DLGAP1: variants seen among roughly 807,000 people sequenced by gnomAD.
DLGAP1 encodes DLG associated protein 1.
A neutral mutation model predicts 90.8 loss-of-function variants in DLGAP1; 11 were observed. The observed-to-expected ratio is 0.12, with a 90% CI of 0.08 to 0.20. The LOEUF (loss-of-function observed/expected upper bound fraction) is 0.20. Among genes scored for constraint, DLGAP1 ranks in the 10% least tolerant of loss-of-function variants. The probability of loss-of-function intolerance (pLI) is 1.00; values close to 1 mark genes in which losing one functional copy is unlikely to be tolerated. For missense variants in DLGAP1, 1,050 were observed against 1,333.8 expected (o/e 0.79, Z 3.31); for synonymous variants, 558 against 540.7 (o/e 1.03, Z -0.44).
chr18:3,740,588 A>T (rs1203602551), intron 6 of DLGAP1, among the ~76,000 whole-genome samples: 1 of 152,108 alleles, frequency 6.6e-6, no homozygotes, highest in African/African-American at 2.4e-5. Flanking sequence ...GAATGAGAGC[A>T]GTGTCCCTAT....
intron 10 of DLGAP1, among the ~76,000 whole-genome samples, chr18:3,522,828 C>G (rs1315331222): frequency 6.6e-6 from 1 of 152,076 alleles, no homozygotes; most frequent in East Asian, 1.9e-4. Flanking sequence ...TAGGTGTAAA[C>G]CACTGCACCC....
chr18:3,790,273 C>T (rs58272907), intron 5 of DLGAP1, among the ~76,000 whole-genome samples: 12 of 144,152 alleles, frequency 8.3e-5, no homozygotes, highest in East Asian at 2.0e-4. Context: ...CTTTTTTTTT[C>T]TTTTTTTTTT....
chr18:3,872,067 G>A lies in DLGAP1; in HGVS notation c.957+7045C>T, dbSNP rs549867194. On this transcript the variant is annotated intron_variant, in intron 4 of 12. Coordinates refer to ENST00000315677, the MANE Select transcript of DLGAP1 (RefSeq NM_004746.4). ...GACCCACATATCCAGAAAATTCATT[G>A]TATAAATATATCTTAGAAATGGAAA... Among the ~76,000 whole-genome samples, 5 of 152,030 alleles carry A rather than the reference G, an allele frequency of 3.3e-5. No individual in the cohort carries two copies. The South Asian group carries it at 1.0e-3, about 32-fold the overall frequency.
At chr18:4,363,913 C>T (rs1445820387) in intron 1 of DLGAP1, among the ~76,000 whole-genome samples, 1 of 151,964 alleles carries the variant, frequency 6.6e-6, no homozygotes, top group Non-Finnish European at 1.5e-5. Flanking sequence ...TGGGTATATA[C>T]CCAAAGGACT....
Position 4,442,263 on chromosome 18 carries a change from G to C in DLGAP1, c.-267+12743C>G, listed in dbSNP as rs750621226. ...TCCGCCCACCTCGGCCTCCCAAAGTGCTGGGATTACAGGCGTGAGCCACTT... is the reference window on the plus strand; with the variant it reads ...TCCGCCCACCTCGGCCTCCCAAAGTCCTGGGATTACAGGCGTGAGCCACTT... On this transcript the variant is annotated intron_variant, in intron 1 of 12. Transcript: ENST00000315677. Among the ~76,000 whole-genome samples, 11 of 152,248 alleles carry C rather than the reference G, an allele frequency of 7.2e-5. No individual in the cohort carries two copies. In the South Asian group the frequency reaches 1.2e-3, roughly 17 times the overall value.
intron 3 of DLGAP1, among the ~76,000 whole-genome samples, chr18:3,947,721 C>T (rs2072904947): frequency 6.6e-6 from 1 of 152,182 alleles, no homozygotes; most frequent in Non-Finnish European, 1.5e-5. Flanking sequence ...AAAGAACTTG[C>T]CCTATATCAC....
rs546648995 is a variant in DLGAP1, at chr18:4,255,062, G to A, written c.-266-103775C>T. ...AAACCAGCCTGGGCAAAGCAGAGCC[G>A]AGTGCTGGGGCACAGCAGGAAATAA... On this transcript the variant is annotated intron_variant, in intron 1 of 12. Coordinates refer to ENST00000315677, the MANE Select transcript of DLGAP1 (RefSeq NM_004746.4). Among the ~76,000 whole-genome samples the A allele has an allele frequency of 3.3e-5, 5 of 152,268 alleles. No individual in the cohort carries two copies. In the East Asian group the frequency reaches 5.8e-4, roughly 18 times the overall value.
chr18:3,960,344 C>A (rs1276617577), intron 3 of DLGAP1, among the ~76,000 whole-genome samples: 1 of 152,070 alleles, frequency 6.6e-6, no homozygotes, highest in Non-Finnish European at 1.5e-5. Flanking sequence ...AGAAGGAGGT[C>A]GGGGAAGCCA....
chr18:4,316,635 A>G lies in DLGAP1; in HGVS notation c.-267+138371T>C, dbSNP rs561169454. 4.6e-5 allele frequency among the ~76,000 whole-genome samples: 7 copies of G among 152,294 alleles called. No homozygotes were observed. In the East Asian group the frequency reaches 1.4e-3, roughly 29 times the overall value. On this transcript the variant is annotated intron_variant, in intron 1 of 12. Coordinates refer to ENST00000315677, the MANE Select transcript of DLGAP1 (RefSeq NM_004746.4). The stretch of plus-strand genomic sequence containing the variant: ...CTGAGAACAGTGTTGGCCTCTGTAC[A>G]GTTTCCTGCCACTCTACATTCTCTC...
At chr18:3,973,988 C>T (rs1357873435) in intron 3 of DLGAP1, among the ~76,000 whole-genome samples, 3 of 152,156 alleles carry the variant, frequency 2.0e-5, no homozygotes, top group Non-Finnish European at 4.4e-5. Flanking sequence ...ACGTGACTGT[C>T]CTGAATACTG....
At chr18:4,046,922 T>C (rs1223635178) in intron 2 of DLGAP1, among the ~76,000 whole-genome samples, 1 of 152,210 alleles carries the variant, frequency 6.6e-6, no homozygotes, top group African/African-American at 2.4e-5. Flanking sequence ...CTGCAGGAGA[T>C]GTGACAATTT....
chr18:4,186,033 G>C (rs1218484429), intron 1 of DLGAP1, among the ~76,000 whole-genome samples: 1 of 151,976 alleles, frequency 6.6e-6, no homozygotes, highest in Non-Finnish European at 1.5e-5. Flanking sequence ...TTAATGATCA[G>C]TGATATTGAG....
chr18:4,392,156 C>T (rs560488838), intron 1 of DLGAP1, among the ~76,000 whole-genome samples: 18 of 152,242 alleles, frequency 1.2e-4, no homozygotes, highest in African/African-American at 3.1e-4. Flanking sequence ...AGCCAGCAAT[C>T]GCCACCAGCA....
intron 1 of DLGAP1, among the ~76,000 whole-genome samples, chr18:4,347,534 G>A (rs1301864502): frequency 6.6e-6 from 1 of 151,894 alleles, no homozygotes; most frequent in African/African-American, 2.4e-5. Context: ...GAAATTCAAG[G>A]TTGGTTCCTA....
chr18:3,757,267 G>T (rs1018642538), intron 5 of DLGAP1, among the ~76,000 whole-genome samples: 1 of 152,130 alleles, frequency 6.6e-6, no homozygotes, highest in African/African-American at 2.4e-5. Context: ...AATTAGCCTG[G>T]TGTGGTGGCA....
At chr18:4,326,551 T>C (rs138247014) in intron 1 of DLGAP1, among the ~76,000 whole-genome samples, 57 of 152,282 alleles carry the variant, frequency 3.7e-4, no homozygotes, top group African/African-American at 1.2e-3. Flanking sequence ...CATATGTTCA[T>C]TGCAGCAATA....
intron 3 of DLGAP1, chr18:3,978,126 C>A (rs2073638282): frequency 4.5e-6 from 2 of 449,304 alleles, no homozygotes; most frequent in Non-Finnish European, 8.9e-6. Context: ...TTCCACGATT[C>A]CAAAGTTGTC....
chr18:4,164,010 T>C (rs568319281), intron 1 of DLGAP1, among the ~76,000 whole-genome samples: 8 of 152,306 alleles, frequency 5.3e-5, no homozygotes, highest in African/African-American at 1.9e-4. Context: ...CTCACTCATG[T>C]AGTACTAGCA....
intron 1 of DLGAP1, among the ~76,000 whole-genome samples, chr18:4,317,672 T>C (rs1468082671): frequency 6.6e-6 from 1 of 152,194 alleles, no homozygotes; most frequent in East Asian, 1.9e-4. Context: ...AGTATCTCTT[T>C]TGTTTTCCTC....
Sources: gnomAD v4.1 joint callset for allele counts (sites outside exome capture counted in the v4.1 genomes callset) on GRCh38, gnomAD v4.1.1 for gene constraint, MANE v1.5 for transcripts, NCBI Gene and HGNC (gene_info 2026-07-23, HGNC 2026-07-21) for gene names.